Variants in DUSP12 observed in about 807,000 individuals in gnomAD.
DUSP12 encodes the protein dual specificity protein phosphatase 12.
A neutral mutation model predicts 38.9 loss-of-function variants in DUSP12; 25 were observed. That is an observed-to-expected ratio of 0.64 (90% CI 0.47 to 0.90). DUSP12 has a LOEUF of 0.90. Ranked by LOEUF, DUSP12 falls within the 40% of genes least tolerant of loss-of-function variation. The pLI is 0.00. For synonymous variants in DUSP12, 153 were observed against 153.9 expected (o/e 0.99, Z 0.05); for missense variants, 403 against 427.0 (o/e 0.94, Z 0.50).
In DUSP12 at chr1:161,753,099, T is replaced by C; in HGVS notation, c.699T>C (p.Ser233=). ...KCRRSLFRSS[S]ILDHREGSGP... The stretch of plus-strand genomic sequence containing the variant: ...GGCGATCATTATTTCGAAGTTCTAG[T>C]ATTCTGGATCACCGTGAAGGAAGTG... The change falls in exon 5 of 6, where the codon AGT becomes AGC. Residue 233 remains serine, a synonymous_variant. Transcript: ENST00000367943. 1 of 1,607,976 alleles carries C rather than the reference T, an allele frequency of 6.2e-7. No individual in the cohort carries two copies. Among genetic ancestry groups the C allele is most frequent in the Non-Finnish European group, 8.5e-7 (1 of 1,177,800 alleles).
At position 161,756,045 on chromosome 1, in the gene DUSP12, G is replaced by A. The variant is rs189616155; in HGVS notation, c.862-741G>A. Among the ~76,000 whole-genome samples the A allele has an allele frequency of 2.0e-3, 306 of 152,054 alleles. 1 individual carries two copies. The highest frequency in any genetic ancestry group is 9.8e-3 in the South Asian group (47 of 4,818). ...TAATTTTTGTGTTTTTAGTAGAGAC[G>A]GGGTTTCACCATGTTGACCAGGCTG... On this transcript the variant is annotated intron_variant, in intron 5 of 5. Transcript: ENST00000367943.
Position 161,756,844 on chromosome 1 carries a change from G to A in DUSP12, c.920G>A (p.Cys307Tyr). 2 of 1,613,968 alleles carry A rather than the reference G, an allele frequency of 1.2e-6. No homozygotes were observed. Among genetic ancestry groups the A allele is most frequent in the Non-Finnish European group, 8.5e-7 (1 of 1,179,876 alleles). ...LGSFNWYGEQCSCGRWITPAF... is the reference protein window; with the variant it reads ...LGSFNWYGEQYSCGRWITPAF... ...TCCTTCAACTGGTATGGTGAACAGT[G>A]CTCTTGTGGTAGGTGGATAACACCT... is the stretch of plus-strand genomic sequence containing the variant. The change falls in exon 6 of 6, where the codon TGC becomes TAC. Residue 307 changes from cysteine (C) to tyrosine (Y), a missense_variant. Cys to Tyr is a radical substitution (Grantham distance 194). Transcript: ENST00000367943.
Position 161,749,825 on chromosome 1 carries a change from T to G in DUSP12, c.24T>G (p.Ser8Arg). 1.3e-6 allele frequency: 2 copies of G among 1,586,800 alleles called. No individual in the cohort carries two copies. The highest frequency in any genetic ancestry group is 1.7e-6 in the Non-Finnish European group (2 of 1,167,248). Residue 8 changes from serine (S) to arginine (R), a missense_variant, in exon 1 of 6, where the codon AGT (serine) becomes AGG (arginine). Ser to Arg is a moderately radical substitution (Grantham distance 110). Transcript: ENST00000367943. ...CCATGTTGGAGGCTCCGGGCCCGAG[T>G]GATGGCTGCGAGCTCAGCAACCCCA... MLEAPGP[S>R]DGCELSNPSA...
chr1:161,752,505 A>G, intron 4 of DUSP12, 41 bp downstream of exon 4: 2 of 1,344,094 alleles, frequency 1.5e-6, no homozygotes, highest in Non-Finnish European at 2.1e-6. Flanking sequence ...ATCTTGTCTC[A>G]GTAGCTGAAA....
At chr1:161,750,235 A>G in intron 1 of DUSP12, 90 bp downstream of exon 1, 1 of 1,418,444 alleles carries the variant, frequency 7.0e-7, no homozygotes, top group Non-Finnish European at 9.5e-7. Context: ...CGGGAGGACA[A>G]GAGCGCGGTC....
chr1:161,755,833 T>C (rs533526954), intron 5 of DUSP12, among the ~76,000 whole-genome samples: 3 of 152,148 alleles, frequency 2.0e-5, no homozygotes, highest in Non-Finnish European at 2.9e-5. Context: ...ATAATAAAAT[T>C]TGTTAGTTTT....
intron 5 of DUSP12, among the ~76,000 whole-genome samples, chr1:161,753,713 T>A (rs556526303): frequency 1.1e-4 from 16 of 141,996 alleles, no homozygotes; most frequent in African/African-American, 4.0e-4. Flanking sequence ...AAGTAAAAAA[T>A]TTTTAATAAG....
At position 161,749,848 on chromosome 1, in the gene DUSP12, C is replaced by G. The variant is rs752261197; in HGVS notation, c.47C>G (p.Pro16Arg). The G allele has an allele frequency of 1.9e-6, 3 of 1,603,646 alleles. No individual in the cohort carries two copies. The highest frequency in any genetic ancestry group is 1.1e-5 in the South Asian group (1 of 89,732). Residue 16 changes from proline to arginine, a missense_variant, in exon 1 of 6, where the codon CCC becomes CGC. Transcript: ENST00000367943. ...GPSDGCELSN[P>R]SASRVSCAGQ... is the part of the protein sequence containing the mutation. ...AGTGATGGCTGCGAGCTCAGCAACCCCAGCGCCAGCAGAGTCAGCTGTGCC... is the reference window on the plus strand; with the variant it reads ...AGTGATGGCTGCGAGCTCAGCAACCGCAGCGCCAGCAGAGTCAGCTGTGCC...
intron 5 of DUSP12, among the ~76,000 whole-genome samples, chr1:161,755,746 A>G (rs1157746367): frequency 6.6e-6 from 1 of 152,190 alleles, no homozygotes; most frequent in Non-Finnish European, 1.5e-5. Context: ...TTCATCTAAT[A>G]TATTGCAACT....
chr1:161,752,900 G>A (rs1684047472), intron 4 of DUSP12, among the ~76,000 whole-genome samples, 175 bp from the exon 5 acceptor site: 1 of 151,724 alleles, frequency 6.6e-6, no homozygotes, highest in Non-Finnish European at 1.5e-5. Flanking sequence ...TGAGGCAGGA[G>A]AATTGGTTGA....
Position 161,753,067 on chromosome 1 carries a change from G to T in DUSP12, c.675-8G>T. 2 of 1,592,178 alleles carry T rather than the reference G, an allele frequency of 1.3e-6. No individual in the cohort carries two copies. The highest frequency in any genetic ancestry group is 1.7e-6 in the Non-Finnish European group (2 of 1,168,056). ...TCATTAATGCTTTTGTTTGTTTGGG[G>T]GTTGCAGGCGATCATTATTTCGAAG... is the stretch of plus-strand genomic sequence containing the variant. On this transcript the variant is annotated splice_region_variant and splice_polypyrimidine_tract_variant and intron_variant, in intron 4 of 5. Coordinates refer to ENST00000367943, the MANE Select transcript of DUSP12 (RefSeq NM_007240.3).
At chr1:161,752,669 T>C (rs1684043497) in intron 4 of DUSP12, among the ~76,000 whole-genome samples, 1 of 152,214 alleles carries the variant, frequency 6.6e-6, no homozygotes, top group African/African-American at 2.4e-5. Context: ...GTGTAATCAA[T>C]GTTACATTAT....
rs3767638 is a variant in DUSP12 at position 161,757,161 on chromosome 1, G to C, written c.*214G>C. 31,564 of 402,962 alleles carry C rather than the reference G, an allele frequency of 0.078. 2,752 individuals are homozygous for C. Among genetic ancestry groups the C allele is most frequent in the African/African-American group, 0.29 (14,857 of 50,396 alleles). The allele number at this position is 402,962 out of a possible 1,614,324, so 25.0% of individuals were successfully genotyped here. ...TTGATATTAAAATCTTTTATAACCA[G>C]ATACTGTCTGTGTTTCATATATTTT... On this transcript the variant is annotated 3_prime_UTR_variant, in exon 6 of 6. Transcript: ENST00000367943.
intron 5 of DUSP12, among the ~76,000 whole-genome samples, chr1:161,756,270 C>T (rs1205102701): frequency 6.6e-6 from 1 of 152,070 alleles, no homozygotes; most frequent in African/African-American, 2.4e-5. Context: ...CTATAACTAA[C>T]TACATTAGAA....
At chr1:161,750,593 C>T (rs949938089) in intron 1 of DUSP12, among the ~76,000 whole-genome samples, 69 of 152,142 alleles carry the variant, frequency 4.5e-4, no homozygotes, top group East Asian at 1.9e-4. Flanking sequence ...TGGTTTGGAT[C>T]TAAAGGATCC....
In DUSP12 at chr1:161,750,111, G is replaced by A. The variant is rs935771319; in HGVS notation, c.310G>A (p.Ala104Thr). 6.2e-7 allele frequency: 1 copy of A among 1,613,870 alleles called. No homozygotes were observed. The highest frequency in any genetic ancestry group is 1.3e-5 in the African/African-American group (1 of 75,054). ...LDRCVAFIGQ[A>T]RAEGRAVLVH... ...CCGGTGCGTGGCCTTCATCGGTCAG[G>A]CCCGCGCTGAGGGCCGTGCGGTGTT... is the stretch of plus-strand genomic sequence containing the variant. Residue 104 changes from alanine to threonine, a missense_variant, in exon 1 of 6, where the codon GCC (alanine) becomes ACC (threonine). Transcript: ENST00000367943.
At chr1:161,752,297 C>T (rs1684034572) in intron 3 of DUSP12, 71 bp from the exon 4 acceptor site, 1 of 1,075,322 alleles carries the variant, frequency 9.3e-7, no homozygotes. Flanking sequence ...CTCAATTTGA[C>T]ATTAACTGAA....
chr1:161,754,844 T>A (rs1369866671), intron 5 of DUSP12, among the ~76,000 whole-genome samples: 1 of 152,198 alleles, frequency 6.6e-6, no homozygotes, highest in Non-Finnish European at 1.5e-5. Context: ...CATTCTTTTT[T>A]TTTGAGACGG....
At position 161,751,502 on chromosome 1, in the gene DUSP12, G is replaced by C. The variant is rs540015401; in HGVS notation, c.345-166G>C. Reference sequence around the variant, plus strand: ...GTGGTTCAGAATTCAAAAGGAAAAAGGAATAATTATTTTGTACCTTGATAA... The same window carrying C: ...GTGGTTCAGAATTCAAAAGGAAAAACGAATAATTATTTTGTACCTTGATAA... On this transcript the variant is annotated intron_variant, in intron 1 of 5. Coordinates refer to ENST00000367943, the MANE Select transcript of DUSP12 (RefSeq NM_007240.3). 21 of 795,668 alleles carry C rather than the reference G, an allele frequency of 2.6e-5. No homozygotes were observed. The African/African-American group carries it at 3.7e-4, about 14-fold the overall frequency. 49.3% of individuals were successfully genotyped at this position (795,668 alleles called of 1,614,324 possible).
Sources: allele counts gnomAD v4.1 joint callset (sites outside exome capture counted in the v4.1 genomes callset), GRCh38; gene constraint gnomAD v4.1.1; transcripts MANE v1.5; gene names NCBI Gene and HGNC (gene_info 2026-07-23, HGNC 2026-07-21).